Variants in B3GALT1 observed in about 807,000 individuals in gnomAD.
B3GALT1 encodes the protein beta-1,3-galactosyltransferase 1.
A neutral mutation model predicts 23.2 loss-of-function variants in B3GALT1; 10 were observed. The observed-to-expected ratio is 0.43, with a 90% CI of 0.27 to 0.73. The LOEUF (loss-of-function observed/expected upper bound fraction) is 0.73, where lower values mean the gene tolerates loss of function less well. Among genes scored for constraint, B3GALT1 ranks in the 30% least tolerant of loss-of-function variants. The pLI, the probability that B3GALT1 is intolerant of heterozygous loss-of-function variation, is 0.21. For missense variants in B3GALT1, 299 were observed against 405.4 expected (o/e 0.74, Z 2.25); for synonymous variants, 156 against 141.5 (o/e 1.10, Z -0.73).
chr2:167,466,170 A>T (rs970267769), intron 1 of B3GALT1, among the ~76,000 whole-genome samples: 15 of 152,214 alleles, frequency 9.9e-5, no homozygotes. Context: ...AGCTTCATTG[A>T]TGTGTCCTGG....
chr2:167,632,743 G>C (rs565716509), intron 2 of B3GALT1, among the ~76,000 whole-genome samples: 34 of 151,910 alleles, frequency 2.2e-4, no homozygotes, highest in Non-Finnish European at 4.3e-4. Context: ...CCATTCTGTA[G>C]GTTGCCTGTT....
intron 1 of B3GALT1, among the ~76,000 whole-genome samples, chr2:167,294,230 C>T (rs1696310815): frequency 6.6e-6 from 1 of 152,180 alleles, no homozygotes; most frequent in African/African-American, 2.4e-5. Context: ...CGGCCTGGTG[C>T]GCCTCTGGCA....
In B3GALT1 at chr2:167,468,915, T is replaced by TA. The variant is rs573636109; in HGVS notation, c.-510-21258dup. On this transcript the variant is annotated intron_variant, in intron 1 of 4. Coordinates refer to ENST00000392690, the MANE Select transcript of B3GALT1 (RefSeq NM_020981.4). Reference sequence around the variant, plus strand: ...AATGAAATACTTAAAACTTACTCCATAAAATCAGGCATAAGGCAAGAATAC... The same window carrying TA: ...AATGAAATACTTAAAACTTACTCCATAAAAATCAGGCATAAGGCAAGAATAC... Among the ~76,000 whole-genome samples the TA allele has an allele frequency of 2.6e-5, 4 of 152,238 alleles. No individual in the cohort carries two copies. The East Asian group carries it at 7.7e-4, about 29-fold the overall frequency.
At chr2:167,383,904 T>A (rs1275672385) in intron 1 of B3GALT1, among the ~76,000 whole-genome samples, 2 of 152,234 alleles carry the variant, frequency 1.3e-5, no homozygotes, top group Non-Finnish European at 2.9e-5. Flanking sequence ...TTATATTTTA[T>A]GGCTAAACAT....
chr2:167,656,802 C>A (rs934061480), intron 3 of B3GALT1, among the ~76,000 whole-genome samples: 2 of 152,070 alleles, frequency 1.3e-5, no homozygotes, highest in Admixed American at 6.6e-5. Context: ...TTGGCACTTT[C>A]CTAATAGATT....
chr2:167,706,759 A>G (rs1686973114), intron 3 of B3GALT1, among the ~76,000 whole-genome samples: 5 of 152,250 alleles, frequency 3.3e-5, no homozygotes, highest in African/African-American at 4.8e-5. Context: ...GGTTTCACAT[A>G]AGTGAGTATT....
chr2:167,739,412 G>A (rs555028038), intron 3 of B3GALT1, among the ~76,000 whole-genome samples: 57 of 152,258 alleles, frequency 3.7e-4, no homozygotes, highest in Non-Finnish European at 7.2e-4. Context: ...ATGGGAATTA[G>A]GAAATATTTG....
intron 1 of B3GALT1, among the ~76,000 whole-genome samples, chr2:167,450,145 G>T (rs1342087703): frequency 1.3e-5 from 2 of 152,080 alleles, no homozygotes; most frequent in Non-Finnish European, 2.9e-5. Context: ...CTATTTTGTG[G>T]AATAGTGTCA....
chr2:167,774,876 AACTC>A (rs1444791662), intron 3 of B3GALT1, among the ~76,000 whole-genome samples: 5 of 152,288 alleles, frequency 3.3e-5, no homozygotes, highest in South Asian at 2.1e-4. Context: ...TTAAAAATCA[AACTC>A]ACTAACAATC....
intron 4 of B3GALT1, among the ~76,000 whole-genome samples, chr2:167,833,530 C>CTATT (rs1689394043): frequency 6.6e-6 from 1 of 152,204 alleles, no homozygotes; most frequent in South Asian, 2.1e-4. Flanking sequence ...CCCAAGGTAG[C>CTATT]TATTTCCTGA....
intron 2 of B3GALT1, among the ~76,000 whole-genome samples, chr2:167,585,205 C>T (rs1280530689): frequency 2.6e-5 from 4 of 152,186 alleles, no homozygotes; most frequent in African/African-American, 9.7e-5. Context: ...TTACAATTAT[C>T]ACAGTAAGCT....
intron 2 of B3GALT1, among the ~76,000 whole-genome samples, chr2:167,608,844 G>T (rs571190945): frequency 2.0e-5 from 3 of 152,210 alleles, no homozygotes; most frequent in South Asian, 2.1e-4. Flanking sequence ...AAGAGAAGTT[G>T]CCAGGTTTCT....
intron 2 of B3GALT1, among the ~76,000 whole-genome samples, chr2:167,512,261 T>G (rs1259648947): frequency 6.6e-6 from 1 of 151,832 alleles, no homozygotes; most frequent in African/African-American, 2.4e-5. Context: ...TCTTTATCAG[T>G]TATAGCATAT....
intron 2 of B3GALT1, among the ~76,000 whole-genome samples, chr2:167,517,635 T>C (rs1700125765): frequency 6.6e-6 from 1 of 152,088 alleles, no homozygotes; most frequent in Non-Finnish European, 1.5e-5. Flanking sequence ...TTATCTAATT[T>C]AATTAAGGTG....
chr2:167,850,813 G>T (rs182861923), intron 4 of B3GALT1, among the ~76,000 whole-genome samples: 3 of 152,140 alleles, frequency 2.0e-5, no homozygotes, highest in Admixed American at 1.3e-4. Flanking sequence ...TGGGGACTTG[G>T]GGGGAAGAGT....
At chr2:167,381,231 C>A (rs1226393053) in intron 1 of B3GALT1, among the ~76,000 whole-genome samples, 1 of 152,014 alleles carries the variant, frequency 6.6e-6, no homozygotes, top group Non-Finnish European at 1.5e-5. Flanking sequence ...CCATGCCTGG[C>A]TAATTTTTTT....
intron 2 of B3GALT1, among the ~76,000 whole-genome samples, chr2:167,605,043 C>T (rs142594331): frequency 3.3e-5 from 5 of 152,300 alleles, no homozygotes; most frequent in East Asian, 1.9e-4. Context: ...TTCTTCTAGA[C>T]GTCTTGTATT....
At chr2:167,412,814 A>G (rs1698411453) in intron 1 of B3GALT1, among the ~76,000 whole-genome samples, 1 of 152,140 alleles carries the variant, frequency 6.6e-6, no homozygotes, top group Non-Finnish European at 1.5e-5. Context: ...TAGAACTGGA[A>G]ATAGCTATAA....
In B3GALT1 at chr2:167,646,972, T is replaced by G. The variant is rs924635407; in HGVS notation, c.-352+6T>G. On this transcript the variant is annotated splice_donor_region_variant and intron_variant, in intron 3 of 4. Transcript: ENST00000392690. The stretch of plus-strand genomic sequence containing the variant: ...GAGATCGCCTCTTTGAAAGCGTAAG[T>G]GTAAAGTTTATTTGGCTTACTGTAG... Among the ~76,000 whole-genome samples, 3 of 152,312 alleles carry G rather than the reference T, an allele frequency of 2.0e-5. No individual in the cohort carries two copies. Among genetic ancestry groups the G allele is most frequent in the African/African-American group, 7.2e-5 (3 of 41,564 alleles).
Sources: allele counts gnomAD v4.1 joint callset (sites outside exome capture counted in the v4.1 genomes callset), GRCh38; gene constraint gnomAD v4.1.1; transcripts MANE v1.5; gene names NCBI Gene and HGNC (gene_info 2026-07-23, HGNC 2026-07-21).